Variants in CPED1 observed in about 807,000 individuals in gnomAD.
The protein encoded by CPED1 is cadherin like and PC-esterase domain containing 1, also known as cadherin-like and PC-esterase domain-containing protein 1.
In CPED1, 114 loss-of-function variants were observed where a neutral mutation model predicts 128.2. That is an observed-to-expected ratio of 0.89 (90% confidence interval 0.76 to 1.04). The LOEUF (loss-of-function observed/expected upper bound fraction) is 1.04. Among genes scored for constraint, CPED1 ranks in the 50% least tolerant of loss-of-function variants. CPED1 has a pLI of 0.00. For missense variants in CPED1, 1,211 were observed against 1,207.1 expected (o/e 1.00, Z -0.05); for synonymous variants, 462 against 426.7 (o/e 1.08, Z -1.02).
intron 3 of CPED1, among the ~76,000 whole-genome samples, chr7:121,019,291 C>A (rs966726915): frequency 2.0e-5 from 3 of 151,962 alleles, no homozygotes; most frequent in Non-Finnish European, 2.9e-5. Context: ...AGCCCTAGTT[C>A]TTTTATCTGT....
At position 121,193,995 on chromosome 7, in the gene CPED1, GCTCTCTCT is replaced by G. The variant is rs373934011; in HGVS notation, c.2056-42698_2056-42691del. Among the ~76,000 whole-genome samples, 276 of 87,362 alleles carry G rather than the reference GCTCTCTCT, an allele frequency of 3.2e-3. 2 individuals are homozygous for G. Among genetic ancestry groups the G allele is most frequent in the African/African-American group, 0.011 (235 of 22,050 alleles). 57.3% of individuals were successfully genotyped at this position (87,362 alleles called of 152,430 possible). A position where few individuals can be genotyped will look rare whatever the true frequency, so the allele number is the denominator to read the frequency against. The stretch of plus-strand genomic sequence containing the variant: ...GGCCTCTATTAACATGGATGAGCAA[GCTCTCTCT>G]CTCTCTCTCTCTCTCTCTCTATATA... On this transcript the variant is annotated intron_variant, in intron 16 of 22. Coordinates refer to ENST00000310396, the MANE Select transcript of CPED1 (RefSeq NM_024913.5).
At chr7:121,180,345 T>C (rs1796874410) in intron 16 of CPED1, among the ~76,000 whole-genome samples, 1 of 152,070 alleles carries the variant, frequency 6.6e-6, no homozygotes, top group Non-Finnish European at 1.5e-5. Context: ...TTTAGAAATA[T>C]ATTTTTTCTT....
At chr7:121,256,141 A>AAAAAAAAAAAAC (rs1791866950) in intron 18 of CPED1, among the ~76,000 whole-genome samples, 7 of 143,490 alleles carry the variant, frequency 4.9e-5, no homozygotes, top group African/African-American at 1.9e-4. Context: ...AAAAAAAAAA[A>AAAAAAAAAAAAC]CAAAGCTTAT....
rs1272160468 is a variant in CPED1 at position 121,003,854 on chromosome 7, GC to G, written c.250-11809del. Among the ~76,000 whole-genome samples the G allele has an allele frequency of 3.9e-5, 6 of 152,284 alleles. No homozygotes were observed. In the East Asian group the frequency reaches 1.2e-3, roughly 29 times the overall value. ...TAAACTGAAAGGACCAGATAAGAAG[GC>G]CACGGAGAGTGAATAGCCATGAGGG... is the stretch of plus-strand genomic sequence containing the variant. On this transcript the variant is annotated intron_variant, in intron 2 of 22. Coordinates refer to ENST00000310396, the MANE Select transcript of CPED1 (RefSeq NM_024913.5).
chr7:121,202,897 A>G (rs1797431620), intron 16 of CPED1, among the ~76,000 whole-genome samples: 1 of 152,162 alleles, frequency 6.6e-6, no homozygotes, highest in Non-Finnish European at 1.5e-5. Context: ...AAGAGCCTCT[A>G]GAAAGGCTTA....
chr7:121,093,886 G>A (rs1226641260), intron 5 of CPED1, among the ~76,000 whole-genome samples: 1 of 152,102 alleles, frequency 6.6e-6, no homozygotes, highest in African/African-American at 2.4e-5. Context: ...TTTGTTAACA[G>A]TCCCTTCTTT....
intron 4 of CPED1, among the ~76,000 whole-genome samples, chr7:121,047,715 C>CTTCTTCTTCTTCTTCTTCTTCT (rs1563005068): frequency 1.3e-5 from 1 of 76,062 alleles, no homozygotes; most frequent in African/African-American, 5.8e-5. Context: ...TCTTCTTCTT[C>CTTCTTCTTCTTCTTCTTCTTCT]TTTTTTTTTT....
chr7:121,193,517 C>T (rs1198473090), intron 16 of CPED1, among the ~76,000 whole-genome samples: 1 of 152,082 alleles, frequency 6.6e-6, no homozygotes, highest in Admixed American at 6.6e-5. Context: ...TCAATTTCTT[C>T]TTTAATTGCT....
chr7:121,165,125 T>C (rs1278148174), intron 16 of CPED1, among the ~76,000 whole-genome samples: 1 of 152,132 alleles, frequency 6.6e-6, no homozygotes, highest in Non-Finnish European at 1.5e-5. Context: ...TTTGCCCTTG[T>C]TAAACATAAT....
chr7:121,223,246 T>A (rs1797927131), intron 16 of CPED1, among the ~76,000 whole-genome samples: 1 of 152,234 alleles, frequency 6.6e-6, no homozygotes, highest in Non-Finnish European at 1.5e-5. Flanking sequence ...TCTGTTTATG[T>A]GATGGATTAC....
intron 7 of CPED1, among the ~76,000 whole-genome samples, chr7:121,107,749 A>G (rs1795013142): frequency 6.6e-6 from 1 of 152,160 alleles, no homozygotes. Flanking sequence ...AGTTTTTACC[A>G]GTACGTTTTG....
rs563956668 is a variant in CPED1, at chr7:121,127,627, C to T, written c.1302+370C>T. The stretch of plus-strand genomic sequence containing the variant: ...CTTGACTCACTGCAACCTCCGCCTC[C>T]TGGGTTCAAGAGATTCTCTTGCCTC... On this transcript the variant is annotated intron_variant, in intron 10 of 22. Coordinates refer to ENST00000310396, the MANE Select transcript of CPED1 (RefSeq NM_024913.5). Among the ~76,000 whole-genome samples, 539 of 151,370 alleles carry T rather than the reference C, an allele frequency of 3.6e-3. 2 individuals carry two copies. Among genetic ancestry groups the T allele is most frequent in the African/African-American group, 0.012 (479 of 41,232 alleles).
intron 22 of CPED1, among the ~76,000 whole-genome samples, chr7:121,289,617 C>T (rs1792650819): frequency 6.6e-6 from 1 of 151,850 alleles, no homozygotes; most frequent in African/African-American, 2.4e-5. Flanking sequence ...ATTGCACTAC[C>T]TTATATGAGA....
At chr7:121,030,852 T>G (rs1370204855) in intron 3 of CPED1, among the ~76,000 whole-genome samples, 2 of 152,228 alleles carry the variant, frequency 1.3e-5, no homozygotes, top group Non-Finnish European at 2.9e-5. Context: ...TAAGGGGGAC[T>G]ACTATATTAA....
intron 16 of CPED1, among the ~76,000 whole-genome samples, chr7:121,172,240 G>T (rs1007991276): frequency 1.3e-5 from 2 of 152,104 alleles, no homozygotes; most frequent in Non-Finnish European, 2.9e-5. Context: ...TGCTTGGAGA[G>T]ACATATATTT....
Position 121,295,531 on chromosome 7 carries a change from G to A in CPED1, c.2960G>A (p.Ser987Asn). The change falls in exon 23 of 23, where the codon AGC becomes AAC. Residue 987 changes from serine to asparagine, a missense_variant. Physicochemically the swap from Ser to Asn is conservative, Grantham distance 46. Transcript: ENST00000310396. Reference protein sequence around the residue: ...HIMGRYFSNQSKLQQGTVTNF... With the variant: ...HIMGRYFSNQNKLQQGTVTNF... ...ATGGGAAGATATTTCAGCAATCAAA[G>A]CAAACTACAACAAGGCACTGTAACA... The A allele has an allele frequency of 6.2e-7, 1 of 1,614,040 alleles. No homozygotes were observed. Among genetic ancestry groups the A allele is most frequent in the African/African-American group, 1.3e-5 (1 of 75,054 alleles).
At chr7:121,235,834 G>C (rs1323979533) in intron 16 of CPED1, among the ~76,000 whole-genome samples, 1 of 152,122 alleles carries the variant, frequency 6.6e-6, no homozygotes, top group Non-Finnish European at 1.5e-5. Flanking sequence ...ACGTAATTGT[G>C]CTAGAGTTTC....
intron 5 of CPED1, among the ~76,000 whole-genome samples, chr7:121,078,504 A>T (rs1162770418): frequency 4.8e-4 from 2 of 4,204 alleles, no homozygotes; most frequent in African/African-American, 8.7e-4. Flanking sequence ...GAAAGAAAAA[A>T]AAAAAAAAAA....
intron 16 of CPED1, among the ~76,000 whole-genome samples, chr7:121,147,797 A>G (rs1004916612): frequency 6.6e-6 from 1 of 152,164 alleles, no homozygotes. Flanking sequence ...GAAGGGGAAA[A>G]TAGGATTTAA....
Sources: allele counts gnomAD v4.1 joint callset (sites outside exome capture counted in the v4.1 genomes callset), GRCh38; gene constraint gnomAD v4.1.1; transcripts MANE v1.5; gene names NCBI Gene and HGNC (gene_info 2026-07-23, HGNC 2026-07-21).